ZSCAN31: variants seen among roughly 807,000 people sequenced by gnomAD.
The protein encoded by ZSCAN31 is zinc finger and SCAN domain containing 31, also known as zinc finger and SCAN domain-containing protein 31.
Under a neutral mutation model 22.5 loss-of-function variants are expected in ZSCAN31, and 14 were observed. The ratio of observed to expected loss-of-function variants is 0.62; its 90% confidence interval spans 0.41 to 0.97. ZSCAN31 has a LOEUF of 0.97. Ranked by LOEUF, ZSCAN31 falls within the 50% of genes least tolerant of loss-of-function variation. The pLI, the probability that ZSCAN31 is intolerant of heterozygous loss-of-function variation, is 0.00. For missense variants in ZSCAN31, 424 were observed against 483.4 expected, an observed-to-expected ratio of 0.88 and a Z score of 1.15; for synonymous variants, 168 against 169.8, an observed-to-expected ratio of 0.99 and a Z score of 0.08.
chr6:28,341,938 GTTC>G (rs1156373617), intron 2 of ZSCAN31: 1 of 151,988 alleles, frequency 6.6e-6, no homozygotes, highest in Non-Finnish European at 1.5e-5. Flanking sequence ...TAGAAGGAAT[GTTC>G]TTCTAATTTT....
At chr6:28,355,207 T>A (rs374828291), upstream of ZSCAN31, 1 of 152,326 alleles carries the variant, frequency 6.6e-6, no homozygotes, top group East Asian at 1.9e-4. Context: ...ATTGTGCTTC[T>A]AAGGGACTTG....
intron 2 of ZSCAN31, among the ~76,000 whole-genome samples, chr6:28,344,884 C>T (rs1250047953): frequency 6.6e-6 from 1 of 151,552 alleles, no homozygotes; most frequent in Non-Finnish European, 1.5e-5. Context: ...AATCCCAGCA[C>T]TTTGGGATGC....
intron 2 of ZSCAN31, among the ~76,000 whole-genome samples, chr6:28,346,342 C>T (rs376019658): frequency 1.9e-4 from 17 of 87,770 alleles, no homozygotes; most frequent in African/African-American, 4.2e-4. Context: ...TCAGTACAAT[C>T]TTTTTTTTTT....
upstream of ZSCAN31, among the ~76,000 whole-genome samples, chr6:28,340,985 A>G (rs1424404663): frequency 2.0e-5 from 3 of 152,172 alleles, no homozygotes; most frequent in South Asian, 2.1e-4. Flanking sequence ...TTAATAGAAA[A>G]TGTCTTTATT....
rs1198169903 is a variant in ZSCAN31 at position 28,353,861 on chromosome 6, C to G, written c.-371+1G>C. On this transcript the variant is annotated splice_donor_variant, in intron 2 of 7. Coordinates refer to the ZSCAN31 transcript ENST00000396838. LOFTEE classifies it low-confidence loss of function (5UTR_SPLICE). Reference sequence around the variant, plus strand: ...TTAGCCAACATGTATATGGTACTTACCACTGTCATGCCAAGTGTCAGGTTC... The same window carrying G: ...TTAGCCAACATGTATATGGTACTTAGCACTGTCATGCCAAGTGTCAGGTTC... 2.2e-6 allele frequency: 1 copy of G among 456,962 alleles called. No individual in the cohort carries two copies. Among genetic ancestry groups the G allele is most frequent in the Admixed American group, 2.3e-5 (1 of 42,592 alleles). The allele number at this position is 456,962 out of a possible 1,614,324, so 28.3% of individuals were successfully genotyped here. A position where few individuals can be genotyped will look rare whatever the true frequency, so the allele number is the denominator to read the frequency against.
At chr6:28,355,978 C>T (rs1765393873), upstream of ZSCAN31, 1 of 152,264 alleles carries the variant, frequency 6.6e-6, no homozygotes, top group South Asian at 2.1e-4. Context: ...GAGACATCCA[C>T]AGTGCATAAG....
chr6:28,345,214 G>T (rs1299928502), intron 2 of ZSCAN31, among the ~76,000 whole-genome samples: 4 of 151,782 alleles, frequency 2.6e-5, no homozygotes, highest in Non-Finnish European at 5.9e-5. Context: ...AAACAAAGAG[G>T]TCTGGGAAAG....
intron 2 of ZSCAN31, among the ~76,000 whole-genome samples, chr6:28,345,032 C>T (rs1764584710): frequency 6.7e-6 from 1 of 149,708 alleles, no homozygotes; most frequent in Admixed American, 6.6e-5. Flanking sequence ...GTAGTCCCAG[C>T]TACACAGGGG....
chr6:28,339,739 G>A (rs1259625752), upstream of ZSCAN31, among the ~76,000 whole-genome samples: 1 of 152,226 alleles, frequency 6.6e-6, no homozygotes, highest in Non-Finnish European at 1.5e-5. Flanking sequence ...CTTACCAGAT[G>A]CTAAAATTCT....
intron 2 of ZSCAN31, among the ~76,000 whole-genome samples, chr6:28,352,625 G>A (rs1464996380): frequency 6.6e-6 from 1 of 152,210 alleles, no homozygotes; most frequent in Non-Finnish European, 1.5e-5. Context: ...AACAAAGTTT[G>A]AAAGCCTTTA....
chr6:28,326,624 T>C lies in ZSCAN31; in HGVS notation c.763A>G (p.Ile255Val). Residue 255 changes from isoleucine (I) to valine (V), a missense_variant, in exon 4 of 4, where the codon ATT becomes GTT. By Grantham distance (29) the Ile-to-Val change is conservative. Transcript: ENST00000344279. Reference protein sequence around the residue: ...GKSFTKSSVLIEHQRIHTGEK... With the variant: ...GKSFTKSSVLVEHQRIHTGEK... ...CCAGTGTGGATTCTCTGGTGCTCAA[T>C]GAGTACTGAACTCTTAGTGAAGCTT... 1.2e-6 allele frequency: 2 copies of C among 1,614,240 alleles called. No homozygotes were observed. The highest frequency in any genetic ancestry group is 1.1e-5 in the South Asian group (1 of 91,084).
At chr6:28,340,585 A>G (rs1764373712), upstream of ZSCAN31, among the ~76,000 whole-genome samples, 1 of 152,224 alleles carries the variant, frequency 6.6e-6, no homozygotes, top group South Asian at 2.1e-4. Flanking sequence ...CTGTGAGTCA[A>G]TTAAACCTCC....
upstream of ZSCAN31, among the ~76,000 whole-genome samples, chr6:28,340,951 G>A (rs1240567329): frequency 6.6e-6 from 1 of 152,090 alleles, no homozygotes; most frequent in Non-Finnish European, 1.5e-5. Context: ...CAAGTCTGCT[G>A]GAGAAGTATT....
chr6:28,353,451 GGCTCTCTTT>G (rs1283369538), intron 2 of ZSCAN31: 1 of 161,100 alleles, frequency 6.2e-6, no homozygotes, highest in Non-Finnish European at 1.4e-5. Flanking sequence ...TTCTGGGATA[GGCTCTCTTT>G]CAGAATATCT....
chr6:28,342,306 C>T (rs148996304), intron 2 of ZSCAN31, among the ~76,000 whole-genome samples: 360 of 152,284 alleles, frequency 2.4e-3, no homozygotes, highest in South Asian at 0.012. Flanking sequence ...AGTCTCGACT[C>T]CTCAGATTCT....
intron 1 of ZSCAN31, among the ~76,000 whole-genome samples, chr6:28,334,611 A>C (rs1561915278): frequency 6.6e-6 from 1 of 152,244 alleles, no homozygotes; most frequent in Non-Finnish European, 1.5e-5. Context: ...TCAAATCCAG[A>C]AATGGGGATG....
chr6:28,332,732 T>C (rs537610357), intron 1 of ZSCAN31, among the ~76,000 whole-genome samples: 1 of 152,182 alleles, frequency 6.6e-6, no homozygotes, highest in Non-Finnish European at 1.5e-5. Context: ...GAAGAAATAT[T>C]CAAGAAAATC....
rs1049076518 is a variant in ZSCAN31 at position 28,349,992 on chromosome 6, C to T, written c.-371+3870G>A. On this transcript the variant is annotated intron_variant, in intron 2 of 7. Coordinates refer to the ZSCAN31 transcript ENST00000396838. This position sits in a 1 kb window ranked among gnomAD's most constrained non-coding sequence, Gnocchi z 4.1. ...GAGTATGGGGTGAATCGGCGTCGGC[C>T]TTCCACTGTGGGGTTAAATCTCATC... 1.3e-5 allele frequency: 2 copies of T among 152,252 alleles called. No homozygotes were observed. Among genetic ancestry groups the T allele is most frequent in the Admixed American group, 1.3e-4 (2 of 15,278 alleles). 9.4% of individuals were successfully genotyped at this position (152,252 alleles called of 1,614,324 possible). A position where few individuals can be genotyped will look rare whatever the true frequency, so the allele number is the denominator to read the frequency against.
At chr6:28,343,881 G>A (rs1764531357) in intron 2 of ZSCAN31, among the ~76,000 whole-genome samples, 1 of 152,136 alleles carries the variant, frequency 6.6e-6, no homozygotes, top group South Asian at 2.1e-4. Flanking sequence ...TATATAATGT[G>A]TAGTCATTGA....
Sources: allele counts gnomAD v4.1 joint callset (sites outside exome capture counted in the v4.1 genomes callset), GRCh38; gene constraint gnomAD v4.1.1; non-coding constraint Gnocchi (gnomAD v3.1); transcripts MANE v1.5; gene names NCBI Gene and HGNC (gene_info 2026-07-23, HGNC 2026-07-21).